Variants in NOL4 observed in about 807,000 individuals in gnomAD.
NOL4 encodes the protein nucleolar protein 4.
A neutral mutation model predicts 75.9 loss-of-function variants in NOL4; 17 were observed. The ratio of observed to expected loss-of-function variants is 0.22; its 90% confidence interval spans 0.15 to 0.34. The LOEUF is 0.34. Ranked by LOEUF, NOL4 falls within the 10% of genes least tolerant of loss-of-function variation. The probability of loss-of-function intolerance (pLI) is 1.00; values close to 1 mark genes in which losing one functional copy is unlikely to be tolerated. For missense variants in NOL4, 614 were observed against 793.5 expected (o/e 0.77, Z 2.72); for synonymous variants, 292 against 289.9 (o/e 1.01, Z -0.07).
At chr18:34,126,004 A>T (rs902401345) in intron 2 of NOL4, among the ~76,000 whole-genome samples, 4 of 151,884 alleles carry the variant, frequency 2.6e-5, no homozygotes, top group African/African-American at 9.7e-5. Context: ...AGTTATTACT[A>T]TTCCTGTCTA....
At chr18:34,049,083 C>T (rs1194874446) in intron 5 of NOL4, among the ~76,000 whole-genome samples, 22 of 126,630 alleles carry the variant, frequency 1.7e-4, no homozygotes, top group African/African-American at 6.0e-4. Flanking sequence ...CGCACACACA[C>T]ACACACACAC....
At chr18:34,159,348 T>C (rs2031054240) in intron 1 of NOL4, among the ~76,000 whole-genome samples, 1 of 151,730 alleles carries the variant, frequency 6.6e-6, no homozygotes, top group Admixed American at 6.6e-5. Context: ...CCCGCTGACG[T>C]CCCCCGCCAC....
At chr18:34,174,174 C>A (rs2146285996) in intron 1 of NOL4, among the ~76,000 whole-genome samples, 1 of 152,094 alleles carries the variant, frequency 6.6e-6, no homozygotes, top group East Asian at 1.9e-4. Flanking sequence ...CTTTAGGGGA[C>A]CCGAAACTAA....
chr18:34,165,433 G>A lies in NOL4; in HGVS notation c.265-35413C>T, dbSNP rs541804663. 2.6e-5 allele frequency among the ~76,000 whole-genome samples: 4 copies of A among 152,132 alleles called. No homozygotes were observed. In the South Asian group the frequency reaches 8.3e-4, roughly 32 times the overall value. ...GACTGGTTCTTCTGCCATTTGAAAA[G>A]GTTAGCCTAGCACACCACCCTTTGT... On this transcript the variant is annotated intron_variant, in intron 1 of 10. Coordinates refer to ENST00000261592, the MANE Select transcript of NOL4 (RefSeq NM_003787.5).
At chr18:33,994,130 G>C (rs1415567120) in intron 6 of NOL4, among the ~76,000 whole-genome samples, 1 of 151,610 alleles carries the variant, frequency 6.6e-6, no homozygotes, top group Non-Finnish European at 1.5e-5. Context: ...TAATAATACA[G>C]TATTATACCA....
chr18:34,071,862 A>G (rs2145267171), intron 5 of NOL4, among the ~76,000 whole-genome samples: 1 of 152,304 alleles, frequency 6.6e-6, no homozygotes, highest in South Asian at 2.1e-4. Context: ...TATTACGCAC[A>G]TAATGAGGGG....
At chr18:34,099,038 A>AT (rs958072626) in intron 4 of NOL4, among the ~76,000 whole-genome samples, 1 of 152,048 alleles carries the variant, frequency 6.6e-6, no homozygotes, top group Non-Finnish European at 1.5e-5. Context: ...ATGTTTTGAC[A>AT]TTTTTCACAA....
chr18:33,978,764 A>G (rs1483255274), intron 6 of NOL4, among the ~76,000 whole-genome samples: 1 of 151,832 alleles, frequency 6.6e-6, no homozygotes, highest in Non-Finnish European at 1.5e-5. Flanking sequence ...AGTACTTATA[A>G]TATCTAATAT....
intron 6 of NOL4, among the ~76,000 whole-genome samples, chr18:33,959,353 A>C (rs1169960672): frequency 6.6e-6 from 1 of 152,090 alleles, no homozygotes; most frequent in Non-Finnish European, 1.5e-5. Context: ...TTGGGATTAC[A>C]CTTATTCCAA....
chr18:34,129,994 T>G lies in NOL4; in HGVS notation c.291A>C (p.Leu97=), dbSNP rs748903934. 2.5e-6 allele frequency: 4 copies of G among 1,597,428 alleles called. No homozygotes were observed. The highest frequency in any genetic ancestry group is 3.4e-6 in the Non-Finnish European group (4 of 1,171,182). The change falls in exon 2 of 11, where the codon CTA becomes CTC. Residue 97 remains leucine (L), a synonymous_variant. Coordinates refer to ENST00000261592, the MANE Select transcript of NOL4 (RefSeq NM_003787.5). ...TTDGVGVDEK[L]SLRRVAVVED... is the part of the protein sequence containing the mutation. ...CAACCACAGCTACCCGTCGTAAAGA[T>G]AGCTTCTCATCTACCCCTACGCCAT...
intron 1 of NOL4, among the ~76,000 whole-genome samples, chr18:34,183,251 T>G (rs1318540018): frequency 6.6e-6 from 1 of 151,130 alleles, no homozygotes; most frequent in Non-Finnish European, 1.5e-5. Context: ...GAACAAACAC[T>G]TCACCAAATA....
chr18:33,949,382 G>A (rs1240987065), intron 8 of NOL4, among the ~76,000 whole-genome samples: 1 of 152,060 alleles, frequency 6.6e-6, no homozygotes, highest in African/African-American at 2.4e-5. Flanking sequence ...ATCCAAGAAG[G>A]TGGACATATA....
In NOL4 at chr18:33,856,041, A is replaced by C. The variant is rs1168522596; in HGVS notation, c.1724-3006T>G. Reference sequence around the variant, plus strand: ...CATACATTTTTATTTATCAAAAATTAGACTGAAGGTAAGAATGCAAGGCCC... The same window carrying C: ...CATACATTTTTATTTATCAAAAATTCGACTGAAGGTAAGAATGCAAGGCCC... On this transcript the variant is annotated intron_variant, in intron 10 of 10. Coordinates refer to ENST00000261592, the MANE Select transcript of NOL4 (RefSeq NM_003787.5). Among the ~76,000 whole-genome samples the C allele has an allele frequency of 2.0e-5, 3 of 152,196 alleles. No homozygotes were observed. The East Asian group carries it at 5.8e-4, about 30-fold the overall frequency.
intron 10 of NOL4, among the ~76,000 whole-genome samples, chr18:33,874,103 G>T (rs1426894983): frequency 1.3e-5 from 2 of 151,896 alleles, no homozygotes; most frequent in Non-Finnish European, 2.9e-5. Flanking sequence ...TTAGGGGAAA[G>T]ATTGGGGTTG....
intron 5 of NOL4, among the ~76,000 whole-genome samples, chr18:34,049,074 GCACACACACACACACACACACACACACA>G (rs1163959249): frequency 0.052 from 3,365 of 64,780 alleles, 55 homozygotes; most frequent in Non-Finnish European, 0.08. Flanking sequence ...ACAGGCGCGC[GCACACACACACACACACACACACACACA>G]CACACACACA....
At chr18:34,119,882 A>T (rs2080054435) in intron 2 of NOL4, among the ~76,000 whole-genome samples, 1 of 152,106 alleles carries the variant, frequency 6.6e-6, no homozygotes, top group Non-Finnish European at 1.5e-5. Flanking sequence ...TCGGCCTCCC[A>T]AAGTGCTGGG....
chr18:33,870,916 C>T (rs369252417), intron 10 of NOL4, among the ~76,000 whole-genome samples: 1 of 151,930 alleles, frequency 6.6e-6, no homozygotes, highest in African/African-American at 2.4e-5. Context: ...TAGATATTGG[C>T]CAGAATGTTC....
chr18:34,104,074 C>A lies in NOL4; in HGVS notation c.612G>T (p.Leu204=). 6.2e-7 allele frequency: 1 copy of A among 1,610,934 alleles called. No individual in the cohort carries two copies. The highest frequency in any genetic ancestry group is 8.5e-7 in the Non-Finnish European group (1 of 1,177,566). ...ITMAYMKHMK[L]QLLNSQQDED... ...CATCTTGCTGTGAGTTTAGCAGCTG[C>A]AGCTTCATGTGTTTCATGTAGGCCA... Residue 204 remains leucine (L), a synonymous_variant, in exon 4 of 11, where the codon CTG becomes CTT. Transcript: ENST00000261592.
At chr18:34,222,439 CG>C in intron 1 of NOL4, 1 of 1,101,616 alleles carries the variant, frequency 9.1e-7, no homozygotes, top group South Asian at 3.2e-5. Context: ...CGGGCTGCCC[CG>C]TGCCTCCCGG....
Sources: gnomAD v4.1 joint callset for allele counts (sites outside exome capture counted in the v4.1 genomes callset) on GRCh38, gnomAD v4.1.1 for gene constraint, MANE v1.5 for transcripts, NCBI Gene and HGNC (gene_info 2026-07-23, HGNC 2026-07-21) for gene names.